MYT1L: variants seen among roughly 807,000 people sequenced by gnomAD.
MYT1L encodes myelin transcription factor 1-like protein.
A neutral mutation model predicts 126.7 loss-of-function variants in MYT1L; 12 were observed. That is an observed-to-expected ratio of 0.09 (90% CI 0.06 to 0.15). The LOEUF is 0.15. MYT1L is among the 10% of genes least tolerant of loss of function. MYT1L has a pLI of 1.00. For synonymous variants in MYT1L, 541 were observed against 604.2 expected (o/e 0.90, Z 1.53); for missense variants, 979 against 1,585.2 (o/e 0.62, Z 6.49).
intron 21 of MYT1L, chr2:1,825,313 G>A (rs763158618): frequency 3.3e-5 from 5 of 152,220 alleles, no homozygotes; most frequent in Admixed American, 1.3e-4. Flanking sequence ...GCACCACAGC[G>A]ACCTAGTTAT....
Position 2,142,834 on chromosome 2 carries a change from G to A in MYT1L, c.-304+30038C>T, listed in dbSNP as rs148961630. ...CCCAAGTAGCTGGGATTACAGGCAC[G>A]CACCACCATGCCTGGCTAATGTTTG... On this transcript the variant is annotated intron_variant, in intron 3 of 24. Coordinates refer to ENST00000647738, the MANE Select transcript of MYT1L (RefSeq NM_001303052.2). Among the ~76,000 whole-genome samples, 244 of 151,712 alleles carry A rather than the reference G, an allele frequency of 1.6e-3. 1 individual carries two copies. Among genetic ancestry groups the A allele is most frequent in the African/African-American group, 5.5e-3 (229 of 41,456 alleles).
chr2:1,958,060 G>C (rs2058655195), intron 8 of MYT1L, among the ~76,000 whole-genome samples: 1 of 152,202 alleles, frequency 6.6e-6, no homozygotes. Flanking sequence ...GTTTTTGCTG[G>C]AGTGTCTTCA....
intron 18 of MYT1L, among the ~76,000 whole-genome samples, chr2:1,862,896 GA>G (rs1162501655): frequency 6.6e-6 from 1 of 152,194 alleles, no homozygotes; most frequent in Non-Finnish European, 1.5e-5. Flanking sequence ...GATGGGAGAA[GA>G]AGGAGAAAGG....
At chr2:2,020,123 G>T (rs1237650167) in intron 4 of MYT1L, among the ~76,000 whole-genome samples, 1 of 152,168 alleles carries the variant, frequency 6.6e-6, no homozygotes, top group East Asian at 1.9e-4. Context: ...GAGATTACAG[G>T]TGTGAGCCAC....
intron 2 of MYT1L, among the ~76,000 whole-genome samples, chr2:2,280,190 A>T (rs1413026180): frequency 6.6e-6 from 1 of 152,302 alleles, no homozygotes; most frequent in Admixed American, 6.5e-5. Context: ...CATAAGGAGG[A>T]TTTCAAGCAT....
At chr2:2,310,514 A>G (rs1372992377) in intron 1 of MYT1L, among the ~76,000 whole-genome samples, 1 of 152,190 alleles carries the variant, frequency 6.6e-6, no homozygotes, top group Non-Finnish European at 1.5e-5. Context: ...CTAATCAAAA[A>G]CTTCCTCTAA....
intron 4 of MYT1L, among the ~76,000 whole-genome samples, chr2:2,002,277 T>C (rs947660846): frequency 2.6e-5 from 4 of 152,196 alleles, no homozygotes; most frequent in African/African-American, 9.7e-5. Context: ...GTTGGCTCTC[T>C]GCTGCTGCCG....
chr2:1,796,289 G>T (rs987014887), intron 23 of MYT1L, among the ~76,000 whole-genome samples: 1 of 152,170 alleles, frequency 6.6e-6, no homozygotes, highest in African/African-American at 2.4e-5. Flanking sequence ...AAACATTTCC[G>T]GAAGAAGTGT....
At chr2:2,278,548 A>G (rs1219502890) in intron 2 of MYT1L, among the ~76,000 whole-genome samples, 2 of 152,182 alleles carry the variant, frequency 1.3e-5, no homozygotes, top group Non-Finnish European at 2.9e-5. Context: ...CCATTTCTAT[A>G]TTATTTTGAA....
intron 21 of MYT1L, among the ~76,000 whole-genome samples, chr2:1,820,897 C>T (rs2038423543): frequency 6.6e-6 from 1 of 151,958 alleles, no homozygotes; most frequent in South Asian, 2.1e-4. Flanking sequence ...GTGGGCCGGA[C>T]TCAAGCAGTC....
chr2:1,858,800 A>C (rs2044224278), intron 18 of MYT1L, among the ~76,000 whole-genome samples: 1 of 152,248 alleles, frequency 6.6e-6, no homozygotes, highest in Admixed American at 6.5e-5. Flanking sequence ...TCCCACGCTA[A>C]TACAGCAGTG....
At chr2:2,291,410 CAGA>C (rs1374843942) in intron 1 of MYT1L, among the ~76,000 whole-genome samples, 1 of 152,152 alleles carries the variant, frequency 6.6e-6, no homozygotes, top group African/African-American at 2.4e-5. Flanking sequence ...CCCATGACTT[CAGA>C]AGAAGATTTA....
chr2:2,029,094 C>T (rs2065941509), intron 4 of MYT1L, among the ~76,000 whole-genome samples: 1 of 152,152 alleles, frequency 6.6e-6, no homozygotes, highest in Admixed American at 6.5e-5. Context: ...TTGGTATTAA[C>T]AACTCAGAAT....
rs552243580 is a variant in MYT1L, at chr2:2,292,554, C to T, written c.-520-8051G>A. ...AACCCAGAGGTGGTTCGTCAGCACT[C>T]GGGGACAGCCTCCCATCCCTGTTGG... On this transcript the variant is annotated intron_variant, in intron 1 of 24. Transcript: ENST00000647738. Among the ~76,000 whole-genome samples, 7 of 152,094 alleles carry T rather than the reference C, an allele frequency of 4.6e-5. No homozygotes were observed. In the East Asian group the frequency reaches 7.8e-4, roughly 17 times the overall value.
At chr2:1,836,501 C>T (rs567323357) in intron 21 of MYT1L, among the ~76,000 whole-genome samples, 5 of 151,158 alleles carry the variant, frequency 3.3e-5, no homozygotes, top group Non-Finnish European at 7.4e-5. Flanking sequence ...AAAATTCCAT[C>T]AGCCTGCACC....
intron 14 of MYT1L, among the ~76,000 whole-genome samples, chr2:1,898,667 GGGCAGAGTGT>G (rs2049939381): frequency 6.6e-6 from 1 of 152,234 alleles, no homozygotes; most frequent in South Asian, 2.1e-4. Flanking sequence ...CCATGCTGCA[GGGCAGAGTGT>G]GGCACCGAGC....
intron 22 of MYT1L, among the ~76,000 whole-genome samples, chr2:1,804,390 G>A (rs1282064584): frequency 6.6e-6 from 1 of 152,090 alleles, no homozygotes; most frequent in Non-Finnish European, 1.5e-5. Context: ...CCAAACTGCT[G>A]GGATTACAGG....
At chr2:2,010,907 G>T (rs1040924829) in intron 4 of MYT1L, among the ~76,000 whole-genome samples, 1 of 152,206 alleles carries the variant, frequency 6.6e-6, no homozygotes, top group African/African-American at 2.4e-5. Flanking sequence ...GCCGGGGCTA[G>T]TCAAAGGGGA....
intron 2 of MYT1L, among the ~76,000 whole-genome samples, chr2:2,231,941 T>C (rs1408667081): frequency 1.3e-5 from 2 of 152,244 alleles, no homozygotes; most frequent in Non-Finnish European, 2.9e-5. Flanking sequence ...CAACGGATTA[T>C]TGTGGTTCTT....
Sources: allele counts gnomAD v4.1 joint callset (sites outside exome capture counted in the v4.1 genomes callset), GRCh38; gene constraint gnomAD v4.1.1; transcripts MANE v1.5; gene names NCBI Gene and HGNC (gene_info 2026-07-23, HGNC 2026-07-21).